The following PIP4P2 variants were observed in gnomAD, a reference collection of about 807,000 sequenced individuals.
PIP4P2 encodes the protein phosphatidylinositol-4,5-bisphosphate 4-phosphatase 2, also known as type 2 phosphatidylinositol 4,5-bisphosphate 4-phosphatase.
A neutral mutation model predicts 33.3 loss-of-function variants in PIP4P2; 19 were observed. That is an observed-to-expected ratio of 0.57 (90% CI 0.40 to 0.84). PIP4P2 has a LOEUF of 0.84. Among genes scored for constraint, PIP4P2 ranks in the 40% least tolerant of loss-of-function variants. The pLI is 0.00. For synonymous variants in PIP4P2, 110 were observed against 111.9 expected, an observed-to-expected ratio of 0.98 and a Z score of 0.11; for missense variants, 270 against 324.7, an observed-to-expected ratio of 0.83 and a Z score of 1.29.
chr8:91,024,453 G>C (rs899517126), intron 1 of PIP4P2: 1 of 295,898 alleles, frequency 3.4e-6, no homozygotes, highest in African/African-American at 2.2e-5. Context: ...AATTAACTTA[G>C]ATTTATTCAT....
intron 1 of PIP4P2, among the ~76,000 whole-genome samples, chr8:91,036,687 G>A (rs1353966593): frequency 6.6e-6 from 1 of 152,186 alleles, no homozygotes; most frequent in African/African-American, 2.4e-5. Flanking sequence ...AATCTATAGA[G>A]TGGTTTAAAA....
intron 1 of PIP4P2, among the ~76,000 whole-genome samples, chr8:91,034,914 T>C (rs1486908333): frequency 1.3e-5 from 2 of 152,168 alleles, no homozygotes; most frequent in African/African-American, 2.4e-5. Flanking sequence ...GTGTAGAACA[T>C]AGTTAAAAAT....
chr8:91,025,909 G>T (rs541628617), intron 1 of PIP4P2, among the ~76,000 whole-genome samples: 1 of 152,264 alleles, frequency 6.6e-6, no homozygotes, highest in South Asian at 2.1e-4. Context: ...ACCACTTTCT[G>T]CTCCTCCCCA....
chr8:91,039,210 C>T (rs1298579076), intron 1 of PIP4P2, among the ~76,000 whole-genome samples: 2 of 152,104 alleles, frequency 1.3e-5, no homozygotes, highest in African/African-American at 2.4e-5. Context: ...CTACATAATA[C>T]GATTTAGATA....
At chr8:90,999,945 A>G (rs748237689) in intron 5 of PIP4P2, among the ~76,000 whole-genome samples, 4 of 151,910 alleles carry the variant, frequency 2.6e-5, no homozygotes, top group Non-Finnish European at 5.9e-5. Context: ...GCTTTCTACT[A>G]TTCCTGTATT....
Position 90,997,983 on chromosome 8 carries a change from C to G in PIP4P2, c.540-1239G>C, listed in dbSNP as rs552422851. Among the ~76,000 whole-genome samples the G allele has an allele frequency of 6.6e-5, 10 of 152,114 alleles. No homozygotes were observed. In the South Asian group the frequency reaches 2.1e-3, roughly 32 times the overall value. ...GCCCAAACACAAACATCTGGATGAC[C>G]TGGGGACCACCATTAATTACTATAT... is the stretch of plus-strand genomic sequence containing the variant. On this transcript the variant is annotated intron_variant, in intron 5 of 6. Transcript: ENST00000285419.
At chr8:91,019,017 T>A (rs955376056) in intron 3 of PIP4P2, among the ~76,000 whole-genome samples, 1 of 152,014 alleles carries the variant, frequency 6.6e-6, no homozygotes, top group Non-Finnish European at 1.5e-5. Flanking sequence ...CTCTAGTCTA[T>A]CATTGGATAG....
At chr8:91,001,862 C>A (rs1811704052) in intron 5 of PIP4P2, among the ~76,000 whole-genome samples, 1 of 152,048 alleles carries the variant, frequency 6.6e-6, no homozygotes, top group African/African-American at 2.4e-5. Flanking sequence ...TTCCTACATA[C>A]AGAACTTTCA....
chr8:91,023,451 G>A (rs556336596), intron 1 of PIP4P2, among the ~76,000 whole-genome samples: 1 of 151,986 alleles, frequency 6.6e-6, no homozygotes, highest in East Asian at 1.9e-4. Flanking sequence ...TTTGCTCAAA[G>A]AAATCTCCTA....
chr8:91,018,251 TTGTC>T (rs1811947485), intron 4 of PIP4P2, 135 bp downstream of exon 4: 1 of 1,342,998 alleles, frequency 7.4e-7, no homozygotes, highest in Admixed American at 2.1e-5. Context: ...GCACTTCTGA[TTGTC>T]TGCCTAAATA....
chr8:91,014,802 CTA>C (rs1283437935), intron 4 of PIP4P2, among the ~76,000 whole-genome samples: 2 of 142,716 alleles, frequency 1.4e-5, no homozygotes, highest in African/African-American at 5.2e-5. Flanking sequence ...CACACGATAA[CTA>C]TATGAGGTAA....
chr8:91,034,464 G>A (rs762128907), intron 1 of PIP4P2, among the ~76,000 whole-genome samples: 3 of 152,168 alleles, frequency 2.0e-5, no homozygotes, highest in Non-Finnish European at 4.4e-5. Context: ...TTTCCTTGAA[G>A]AGGATGTGGC....
At chr8:91,008,391 C>A (rs1330673173) in intron 5 of PIP4P2, among the ~76,000 whole-genome samples, 1 of 152,040 alleles carries the variant, frequency 6.6e-6, no homozygotes, top group Admixed American at 6.6e-5. Context: ...AAGTCCAGAA[C>A]AATTTGAGTT....
At chr8:91,024,835 TA>T (rs570260416) in intron 1 of PIP4P2, among the ~76,000 whole-genome samples, 1 of 150,964 alleles carries the variant, frequency 6.6e-6, no homozygotes, top group South Asian at 2.1e-4. Context: ...TCCTTAATCC[TA>T]AAAAAAAACT....
intron 5 of PIP4P2, among the ~76,000 whole-genome samples, chr8:91,001,624 T>C (rs1327127054): frequency 6.6e-6 from 1 of 152,038 alleles, no homozygotes; most frequent in Admixed American, 6.6e-5. Flanking sequence ...TAGTCTTACA[T>C]GTTTTCTCTT....
chr8:91,035,877 C>T (rs1035830713), intron 1 of PIP4P2, among the ~76,000 whole-genome samples: 5 of 151,944 alleles, frequency 3.3e-5, no homozygotes, highest in African/African-American at 9.7e-5. Flanking sequence ...AAAAATACAA[C>T]AAAATTAGAC....
At chr8:91,029,333 A>C (rs966719887) in intron 1 of PIP4P2, among the ~76,000 whole-genome samples, 3 of 152,114 alleles carry the variant, frequency 2.0e-5, no homozygotes, top group African/African-American at 7.2e-5. Flanking sequence ...AAATCTAGGA[A>C]TTAAACCATT....
chr8:91,018,830 C>T (rs554128355), intron 3 of PIP4P2, among the ~76,000 whole-genome samples: 1 of 152,192 alleles, frequency 6.6e-6, no homozygotes, highest in Non-Finnish European at 1.5e-5. Flanking sequence ...AGGAAGCCAA[C>T]TTGAGTTTGG....
chr8:90,999,625 G>C (rs766208588), intron 5 of PIP4P2, among the ~76,000 whole-genome samples: 1 of 152,060 alleles, frequency 6.6e-6, no homozygotes, highest in African/African-American at 2.4e-5. Context: ...CTCTAGCTGA[G>C]TGGCTAGTCA....
Sources: allele counts gnomAD v4.1 joint callset (sites outside exome capture counted in the v4.1 genomes callset), GRCh38; gene constraint gnomAD v4.1.1; transcripts MANE v1.5; gene names NCBI Gene and HGNC (gene_info 2026-07-23, HGNC 2026-07-21).